PADI3: variants seen among roughly 807,000 people sequenced by gnomAD.
PADI3 encodes peptidyl arginine deiminase 3.
In PADI3, 53 loss-of-function variants were observed where a neutral mutation model predicts 71.5. The observed-to-expected ratio is 0.74, with a 90% CI of 0.59 to 0.93. The LOEUF (loss-of-function observed/expected upper bound fraction) is 0.93, where lower values mean the gene tolerates loss of function less well. Ranked by LOEUF, PADI3 falls within the 40% of genes least tolerant of loss-of-function variation. The probability of loss-of-function intolerance (pLI) is 0.00; values close to 1 mark genes in which losing one functional copy is unlikely to be tolerated. For missense variants in PADI3, 821 were observed against 868.0 expected, an observed-to-expected ratio of 0.95 and a Z score of 0.68; for synonymous variants, 361 against 347.5, an observed-to-expected ratio of 1.04 and a Z score of -0.43.
chr1:17,257,031 CAAAAAAAAAAAA>C (rs967292996), intron 1 of PADI3, among the ~76,000 whole-genome samples: 9 of 37,622 alleles, frequency 2.4e-4, no homozygotes, highest in East Asian at 1.9e-3. Context: ...GACTCTGTCT[CAAAAAAAAAAAA>C]AAAAAAAAAA....
At chr1:17,263,202 C>G (rs1160129409) in intron 3 of PADI3, among the ~76,000 whole-genome samples, 5 of 152,252 alleles carry the variant, frequency 3.3e-5, no homozygotes, top group Non-Finnish European at 7.3e-5. Flanking sequence ...GCATGAGCCA[C>G]TGTGCCCAGC....
At chr1:17,250,370 G>A (rs2100550861) in intron 1 of PADI3, among the ~76,000 whole-genome samples, 1 of 152,328 alleles carries the variant, frequency 6.6e-6, no homozygotes, top group Non-Finnish European at 1.5e-5. Flanking sequence ...ACACTCCCGA[G>A]TTGTGACAAC....
chr1:17,276,683 C>T lies in PADI3; in HGVS notation c.1452+20C>T, dbSNP rs773667914. 16 of 1,613,904 alleles carry T rather than the reference C, an allele frequency of 9.9e-6. No individual in the cohort carries two copies. In the Admixed American group the frequency reaches 1.3e-4, roughly 13 times the overall value. On this transcript the variant is annotated intron_variant, in intron 12 of 15. Transcript: ENST00000375460. ...GGGAAGGTAAGAACTTCGTGCATGA[C>T]GTGTCTTTCCCTGGCATCTGGGGCA... is the stretch of plus-strand genomic sequence containing the variant.
intron 1 of PADI3, among the ~76,000 whole-genome samples, 161 bp from the exon 2 acceptor site, chr1:17,259,417 G>A (rs537539033): frequency 9.8e-5 from 15 of 152,324 alleles, no homozygotes; most frequent in African/African-American, 1.9e-4. Context: ...ATATGTTTGT[G>A]TGGGGTCCAG....
At chr1:17,266,612 C>A in intron 4 of PADI3, 107 bp from the exon 5 acceptor site, 1 of 854,922 alleles carries the variant, frequency 1.2e-6, no homozygotes. Context: ...AGAACGTGGA[C>A]CTAGCCTCAC....
At chr1:17,275,853 G>A (rs1270033888) in intron 11 of PADI3, among the ~76,000 whole-genome samples, 1 of 152,206 alleles carries the variant, frequency 6.6e-6, no homozygotes, top group South Asian at 2.1e-4. Context: ...GCTGGACCAT[G>A]CCCTTAGATA....
chr1:17,268,802 T>C (rs1354349768), intron 6 of PADI3, among the ~76,000 whole-genome samples: 1 of 152,006 alleles, frequency 6.6e-6, no homozygotes, highest in Non-Finnish European at 1.5e-5. Context: ...CCACCGTGCC[T>C]GGCCGCTTAT....
chr1:17,266,881 C>T, intron 5 of PADI3, 45 bp downstream of exon 5: 1 of 1,406,850 alleles, frequency 7.1e-7, no homozygotes, highest in Non-Finnish European at 1.0e-6. Flanking sequence ...AGGGTCACTG[C>T]TCAGTTACCC....
chr1:17,262,367 G>T (rs1333336195), intron 3 of PADI3, among the ~76,000 whole-genome samples, 162 bp downstream of exon 3: 1 of 152,286 alleles, frequency 6.6e-6, no homozygotes, highest in East Asian at 1.9e-4. Flanking sequence ...GCTTATATAT[G>T]AAAGCACATA....
intron 3 of PADI3, among the ~76,000 whole-genome samples, 179 bp from the exon 4 acceptor site, chr1:17,265,480 C>T (rs949797545): frequency 6.6e-6 from 1 of 151,596 alleles, no homozygotes; most frequent in African/African-American, 2.4e-5. Context: ...TTGCTGTGAC[C>T]CTGCTTCTTG....
intron 13 of PADI3, 30 bp from the exon 14 acceptor site, chr1:17,280,320 G>C: frequency 6.3e-7 from 1 of 1,583,454 alleles, no homozygotes; most frequent in Non-Finnish European, 8.7e-7. Flanking sequence ...TGCTGTCCCT[G>C]TCCTTCTCTT....
At position 17,249,105 on chromosome 1, in the gene PADI3, G is replaced by A. The variant is rs76195658; in HGVS notation, c.-33G>A. 8,547 of 1,588,298 alleles carry A rather than the reference G, an allele frequency of 5.4e-3. 356 individuals are homozygous for A. The African/African-American group carries it at 0.098, about 18-fold the overall frequency. ...CTAAGGGGCCTCAGGGGCAGTGTTG[G>A]GGTTGGCGGCCACAGCTAAGTCCAA... is the stretch of plus-strand genomic sequence containing the variant. On this transcript the variant is annotated 5_prime_UTR_variant, in exon 1 of 16. Transcript: ENST00000375460.
chr1:17,255,812 C>T (rs2073020159), intron 1 of PADI3, among the ~76,000 whole-genome samples: 1 of 152,168 alleles, frequency 6.6e-6, no homozygotes, highest in African/African-American at 2.4e-5. Flanking sequence ...TCCTCATCCC[C>T]ACCAGATAGA....
In PADI3 at chr1:17,280,419, A is replaced by T. The variant is rs764158348; in HGVS notation, c.1625A>T (p.Lys542Met). Residue 542 changes from lysine (K) to methionine (M), a missense_variant, in exon 14 of 16, where the codon AAG becomes ATG. By Grantham distance (95) the Lys-to-Met change is moderately conservative. Transcript: ENST00000375460. ...LSNKDLINYNKFVQSCIDWNR... is the reference protein window; with the variant it reads ...LSNKDLINYNMFVQSCIDWNR... ...AATAAAGACCTCATCAACTACAATA[A>T]GTTTGTGCAGGTACAAGGGCTGTGG... 1.2e-6 allele frequency: 2 copies of T among 1,613,646 alleles called. No individual in the cohort carries two copies. Among genetic ancestry groups the T allele is most frequent in the African/African-American group, 2.7e-5 (2 of 74,994 alleles).
chr1:17,259,885 C>A, intron 2 of PADI3, 127 bp downstream of exon 2: 1 of 727,310 alleles, frequency 1.4e-6, no homozygotes, highest in Non-Finnish European at 2.2e-6. Flanking sequence ...GGCCTTGGAG[C>A]CATACTGCTG....
intron 13 of PADI3, among the ~76,000 whole-genome samples, chr1:17,278,409 T>C (rs189460271): frequency 3.0e-3 from 451 of 152,200 alleles, no homozygotes; most frequent in African/African-American, 0.011. Flanking sequence ...TTGTATTTTT[T>C]GTAGAGATGG....
chr1:17,267,737 G>T (rs1450609496), intron 5 of PADI3, 100 bp from the exon 6 acceptor site: 1 of 1,431,684 alleles, frequency 7.0e-7, no homozygotes, highest in South Asian at 1.3e-5. Context: ...GGAGACCCAG[G>T]TCTTGATACC....
rs912066430 is a variant in PADI3 at position 17,276,672 on chromosome 1, T to A, written c.1452+9T>A. 3 of 1,613,850 alleles carry A rather than the reference T, an allele frequency of 1.9e-6. No homozygotes were observed. Among genetic ancestry groups the A allele is most frequent in the African/African-American group, 2.7e-5 (2 of 74,926 alleles). On this transcript the variant is annotated intron_variant, in intron 12 of 15. Coordinates refer to ENST00000375460, the MANE Select transcript of PADI3 (RefSeq NM_016233.2). ...CTGCCCCCGATGGGAAGGTAAGAAC[T>A]TCGTGCATGACGTGTCTTTCCCTGG...
chr1:17,260,537 C>T (rs1290658846), intron 2 of PADI3, among the ~76,000 whole-genome samples: 2 of 152,114 alleles, frequency 1.3e-5, no homozygotes, highest in Non-Finnish European at 2.9e-5. Flanking sequence ...GGACTGATGC[C>T]CATTTCGCAG....
Sources: gnomAD v4.1 joint callset for allele counts (sites outside exome capture counted in the v4.1 genomes callset) on GRCh38, gnomAD v4.1.1 for gene constraint, MANE v1.5 for transcripts, NCBI Gene and HGNC (gene_info 2026-07-23, HGNC 2026-07-21) for gene names.